Variants in KLHL8 observed in about 807,000 individuals in gnomAD.
KLHL8 encodes the protein kelch-like protein 8.
Under a neutral mutation model 63.5 loss-of-function variants are expected in KLHL8, and 38 were observed. The observed-to-expected ratio is 0.60, with a 90% CI of 0.46 to 0.78. The LOEUF (loss-of-function observed/expected upper bound fraction) is 0.78, where lower values mean the gene tolerates loss of function less well. Among genes scored for constraint, KLHL8 ranks in the 30% least tolerant of loss-of-function variants. The pLI is 0.00. For missense variants in KLHL8, 566 were observed against 752.4 expected (o/e 0.75, Z 2.90); for synonymous variants, 224 against 254.3 (o/e 0.88, Z 1.13).
At chr4:87,204,135 C>G (rs1300629220) in intron 1 of KLHL8, among the ~76,000 whole-genome samples, 1 of 152,016 alleles carries the variant, frequency 6.6e-6, no homozygotes, top group Non-Finnish European at 1.5e-5. Context: ...TGCTTAAGCC[C>G]AAGAGTTCGA....
chr4:87,164,954 C>T (rs563259339), intron 8 of KLHL8, among the ~76,000 whole-genome samples: 80 of 151,992 alleles, frequency 5.3e-4, no homozygotes, highest in South Asian at 1.5e-3. Context: ...CGAGACCATC[C>T]TGGCTAACAC....
intron 2 of KLHL8, among the ~76,000 whole-genome samples, chr4:87,191,159 A>T (rs1015009552): frequency 6.6e-6 from 1 of 152,060 alleles, no homozygotes; most frequent in African/African-American, 2.4e-5. Flanking sequence ...AGCTGTATGT[A>T]AAGGGAAATA....
chr4:87,218,835 A>G (rs1732704406), intron 1 of KLHL8, among the ~76,000 whole-genome samples: 1 of 152,090 alleles, frequency 6.6e-6, no homozygotes, highest in Non-Finnish European at 1.5e-5. Context: ...CCCGGGTTCA[A>G]GCCATTCTCC....
chr4:87,229,239 G>T (rs940612471), intron 1 of KLHL8, among the ~76,000 whole-genome samples: 10 of 152,098 alleles, frequency 6.6e-5, no homozygotes, highest in African/African-American at 2.4e-4. Flanking sequence ...ACTACACAGA[G>T]ACTCTGCCTT....
At chr4:87,181,675 A>G (rs1731058130) in intron 4 of KLHL8, among the ~76,000 whole-genome samples, 1 of 152,066 alleles carries the variant, frequency 6.6e-6, no homozygotes, top group Non-Finnish European at 1.5e-5. Flanking sequence ...CCTTCGGCAT[A>G]TTTTTAACTT....
At position 87,185,743 on chromosome 4, in the gene KLHL8, G is replaced by A. The variant is rs768311406; in HGVS notation, c.273C>T (p.Tyr91=). The change falls in exon 3 of 10, where the codon TAC becomes TAT. Residue 91 remains tyrosine, a synonymous_variant. Coordinates refer to ENST00000273963, the MANE Select transcript of KLHL8 (RefSeq NM_020803.5). ...TTTCAGAAAGAAACATGGCTCTAAAGTAGGGAATAACACAAGCCAATACCA... is the reference window on the plus strand; with the variant it reads ...TTTCAGAAAGAAACATGGCTCTAAAATAGGGAATAACACAAGCCAATACCA... ...HKLVLACVIP[Y]FRAMFLSEMA... The A allele has an allele frequency of 1.9e-6, 3 of 1,613,214 alleles. No individual in the cohort carries two copies. The African/African-American group carries it at 4.0e-5, about 22-fold the overall frequency.
chr4:87,189,230 A>C (rs1442697642), intron 2 of KLHL8, among the ~76,000 whole-genome samples: 1 of 152,222 alleles, frequency 6.6e-6, no homozygotes, highest in Non-Finnish European at 1.5e-5. Flanking sequence ...AGTGATTAGC[A>C]CAAGAGTAGG....
intron 8 of KLHL8, chr4:87,166,957 G>A: frequency 5.9e-6 from 1 of 169,048 alleles, no homozygotes; most frequent in South Asian, 1.6e-4. Context: ...CTCCTGCCAA[G>A]AAGGCCCCGG....
rs114864417 is a variant in KLHL8, at chr4:87,230,146, G to A, written n.58-8756C>T. Among the ~76,000 whole-genome samples, 918 of 152,226 alleles carry A rather than the reference G, an allele frequency of 6.0e-3. 10 individuals carry two copies. The highest frequency in any genetic ancestry group is 0.02 in the African/African-American group (812 of 41,526). ...AGTACTTCTGAGCTAGTAAGAGAGC[G>A]GTTCCTGGAACCTGGAGAGAGGAAG... On this transcript the variant is annotated intron_variant and non_coding_transcript_variant, in intron 1 of 1. Coordinates refer to the KLHL8 transcript ENST00000506274.
At chr4:87,166,871 T>A (rs1328815711) in intron 8 of KLHL8, 1 of 159,356 alleles carries the variant, frequency 6.3e-6, no homozygotes, top group Non-Finnish European at 1.4e-5. Context: ...GGAAGCAACG[T>A]GCCTGCAGCC....
chr4:87,207,641 A>G, intron 1 of KLHL8: 1 of 1,197,948 alleles, frequency 8.3e-7, no homozygotes, highest in Non-Finnish European at 1.2e-6. Flanking sequence ...GCCACCCAGA[A>G]GACTGTGGAT....
chr4:87,222,908 T>C (rs1260016898), upstream of KLHL8, among the ~76,000 whole-genome samples: 1 of 151,914 alleles, frequency 6.6e-6, no homozygotes, highest in East Asian at 1.9e-4. Context: ...AGTAAGACCA[T>C]GTTAATAGAA....
At chr4:87,192,768 C>A (rs1731543555) in intron 2 of KLHL8, among the ~76,000 whole-genome samples, 4 of 152,160 alleles carry the variant, frequency 2.6e-5, no homozygotes, top group Admixed American at 2.6e-4. Context: ...TATGGTACAG[C>A]CTGTTGCTCT....
chr4:87,208,505 T>C (rs1430174887), intron 1 of KLHL8, among the ~76,000 whole-genome samples: 1 of 151,874 alleles, frequency 6.6e-6, no homozygotes, highest in African/African-American at 2.4e-5. Flanking sequence ...GCTGGGCCAA[T>C]TTTTGTATTT....
rs752137052 is a variant in KLHL8, at chr4:87,195,560, T to C, written c.-21A>G. The stretch of plus-strand genomic sequence containing the variant: ...GCCATTTGCAATATTCCTCTTTTAA[T>C]AGAGCTCTCTTCTCAAACATGCCAT... On this transcript the variant is annotated 5_prime_UTR_variant, in exon 2 of 10. Coordinates refer to ENST00000273963, the MANE Select transcript of KLHL8 (RefSeq NM_020803.5). 9 of 1,584,926 alleles carry C rather than the reference T, an allele frequency of 5.7e-6. No individual in the cohort carries two copies. Among genetic ancestry groups the C allele is most frequent in the African/African-American group, 1.3e-5 (1 of 74,150 alleles).
At chr4:87,187,386 AG>A (rs1731303924) in intron 2 of KLHL8, among the ~76,000 whole-genome samples, 1 of 150,990 alleles carries the variant, frequency 6.6e-6, no homozygotes, top group African/African-American at 2.4e-5. Flanking sequence ...ATGAATAAAA[AG>A]ATCTCATCTT....
At chr4:87,193,210 T>C (rs2110009866) in intron 2 of KLHL8, among the ~76,000 whole-genome samples, 1 of 152,362 alleles carries the variant, frequency 6.6e-6, no homozygotes, top group South Asian at 2.1e-4. Context: ...TCTACAAAAA[T>C]GTTTTTATAT....
intron 8 of KLHL8, among the ~76,000 whole-genome samples, chr4:87,168,445 C>T (rs1334942950): frequency 2.0e-5 from 3 of 151,574 alleles, no homozygotes; most frequent in Non-Finnish European, 4.4e-5. Flanking sequence ...ATTCTTTCGG[C>T]GTTTTGTGGA....
intron 1 of KLHL8, among the ~76,000 whole-genome samples, chr4:87,232,155 C>CA (rs1216857895): frequency 6.6e-6 from 1 of 152,206 alleles, no homozygotes; most frequent in Non-Finnish European, 1.5e-5. Flanking sequence ...TTTCCAAACA[C>CA]ATCTCTCTTT....
Sources: gnomAD v4.1 joint callset for allele counts (sites outside exome capture counted in the v4.1 genomes callset) on GRCh38, gnomAD v4.1.1 for gene constraint, MANE v1.5 for transcripts, NCBI Gene and HGNC (gene_info 2026-07-23, HGNC 2026-07-21) for gene names.